Variants in UGT2B28 observed in about 807,000 individuals in gnomAD.
The protein encoded by UGT2B28 is UDP glucuronosyltransferase family 2 member B28.
UGT2B28 carries 45 observed loss-of-function variants against 43.6 expected under a neutral mutation model. The ratio of observed to expected loss-of-function variants is 1.03; its 90% CI spans 0.81 to 1.32. The LOEUF (loss-of-function observed/expected upper bound fraction) is 1.32. Among genes scored for constraint, UGT2B28 ranks in the 40% most tolerant of loss-of-function variants. The probability of loss-of-function intolerance (pLI) is 0.00; values close to 1 mark genes in which losing one functional copy is unlikely to be tolerated. For missense variants in UGT2B28, 649 were observed against 625.5 expected (o/e 1.04, Z -0.40); for synonymous variants, 204 against 208.1 (o/e 0.98, Z 0.17).
chr4:69,284,050 C>T (rs1183909493), intron 2 of UGT2B28, among the ~76,000 whole-genome samples: 4 of 140,406 alleles, frequency 2.8e-5, no homozygotes, highest in African/African-American at 5.6e-5. Flanking sequence ...ATTGAGATCC[C>T]AGAATTTTAC....
Position 69,290,883 on chromosome 4 carries a change from T to A in UGT2B28, c.1310+72T>A, listed in dbSNP as rs544604774. The A allele has an allele frequency of 4.4e-5, 64 of 1,443,290 alleles. 16 individuals carry two copies. In the South Asian group the frequency reaches 7.6e-4, roughly 17 times the overall value. The allele number at this position is 1,443,290 out of a possible 1,614,324, so 89.4% of individuals were successfully genotyped here. On this transcript the variant is annotated intron_variant, in intron 5 of 5. Transcript: ENST00000335568. ...CTCTTTTCAATAGTGAGCATGAGTT[T>A]CATCCTTTTTATAAGAGAGTAATCT...
At chr4:69,289,412 T>A (rs1723878950) in intron 3 of UGT2B28, among the ~76,000 whole-genome samples, 1 of 140,626 alleles carries the variant, frequency 7.1e-6, no homozygotes, top group African/African-American at 2.8e-5. Context: ...GTGTAACAAT[T>A]TTTTGAATAT....
chr4:69,294,430 A>G (rs1560568805), intron 5 of UGT2B28, 100 bp from the exon 6 acceptor site: 2 of 1,180,962 alleles, frequency 1.7e-6, no homozygotes, highest in Non-Finnish European at 2.2e-6. Context: ...TTTCAAATTT[A>G]CTTTGAATTA....
chr4:69,292,715 T>A (rs775585594), intron 5 of UGT2B28, among the ~76,000 whole-genome samples: 2 of 140,052 alleles, frequency 1.4e-5, no homozygotes, highest in African/African-American at 2.8e-5. Context: ...AAATAGTTAA[T>A]CTTTACTTGA....
At chr4:69,284,020 A>G (rs1406280802) in intron 2 of UGT2B28, among the ~76,000 whole-genome samples, 1 of 140,900 alleles carries the variant, frequency 7.1e-6, no homozygotes, top group African/African-American at 2.8e-5. Context: ...ACTTTAATAA[A>G]GTATTTAAAT....
At chr4:69,289,835 G>A (rs1723896911) in intron 4 of UGT2B28, 83 bp downstream of exon 4, 1 of 1,317,592 alleles carries the variant, frequency 7.6e-7, no homozygotes, top group Non-Finnish European at 1.0e-6. Context: ...CATGCTTATT[G>A]AATATTTATT....
chr4:69,294,964 T>G lies in UGT2B28; in HGVS notation c.*155T>G. The G allele has an allele frequency of 6.5e-6, 7 of 1,079,470 alleles. No individual in the cohort carries two copies. The highest frequency in any genetic ancestry group is 8.5e-6 in the Non-Finnish European group (7 of 825,680). The allele number at this position is 1,079,470 out of a possible 1,614,324, so 66.9% of individuals were successfully genotyped here. A position where few individuals can be genotyped will look rare whatever the true frequency, so the allele number is the denominator to read the frequency against. On this transcript the variant is annotated 3_prime_UTR_variant, in exon 6 of 6. Transcript: ENST00000335568. ...ACCTTGTCAAGTAAAAATTTGTTTTTCAGAGATTTACCACCCAGGTAATGG... is the reference window on the plus strand; with the variant it reads ...ACCTTGTCAAGTAAAAATTTGTTTTGCAGAGATTTACCACCCAGGTAATGG...
At chr4:69,284,342 A>G (rs1251430816) in intron 2 of UGT2B28, among the ~76,000 whole-genome samples, 1 of 140,984 alleles carries the variant, frequency 7.1e-6, no homozygotes. Flanking sequence ...TTAATATCAC[A>G]TTTTAAGACA....
chr4:69,294,481 G>A, intron 5 of UGT2B28, 49 bp from the exon 6 acceptor site: 3 of 1,468,762 alleles, frequency 2.0e-6, no homozygotes, highest in Non-Finnish European at 1.8e-6. Context: ...GATACATACA[G>A]GCCAGTTAAC....
chr4:69,282,163 CAA>C (rs1472642564), intron 1 of UGT2B28, among the ~76,000 whole-genome samples: 1 of 138,546 alleles, frequency 7.2e-6, no homozygotes, highest in Non-Finnish European at 1.5e-5. Flanking sequence ...TTATGGAGCT[CAA>C]AGAGTTGTTT....
At chr4:69,287,299 T>C (rs1215472118) in intron 3 of UGT2B28, among the ~76,000 whole-genome samples, 1 of 140,978 alleles carries the variant, frequency 7.1e-6, no homozygotes, top group African/African-American at 2.8e-5. Flanking sequence ...ACTAAAAATA[T>C]ATATCCAGAA....
In UGT2B28 at chr4:69,285,380, G is replaced by A. The variant is rs751600653; in HGVS notation, c.871-1372G>A. 1.2e-4 allele frequency among the ~76,000 whole-genome samples: 17 copies of A among 139,366 alleles called. 2 individuals carry two copies. Among genetic ancestry groups the A allele is most frequent in the East Asian group, 2.0e-4 (1 of 4,888 alleles). 91.4% of individuals were successfully genotyped at this position (139,366 alleles called of 152,430 possible). ...ATTATCACTAAAGGAGCAACAACCC[G>A]TCAATATCAGTGATGAATCTCTAAA... On this transcript the variant is annotated intron_variant, in intron 2 of 5. Coordinates refer to ENST00000335568, the MANE Select transcript of UGT2B28 (RefSeq NM_053039.2).
rs1723957141 is a variant in UGT2B28, at chr4:69,291,594, G to T, written c.1310+783G>T. On this transcript the variant is annotated intron_variant, in intron 5 of 5. Coordinates refer to ENST00000335568, the MANE Select transcript of UGT2B28 (RefSeq NM_053039.2). ...AATACTTCATTTCCTTTACACTTGT[G>T]TAATATTTTATAGTATGGATATGTC... Among the ~76,000 whole-genome samples the T allele has an allele frequency of 1.4e-5, 2 of 140,678 alleles. 1 individual carries two copies. The highest frequency in any genetic ancestry group is 5.5e-5 in the African/African-American group (2 of 36,144). The allele number at this position is 140,678 out of a possible 152,430, so 92.3% of individuals were successfully genotyped here. A position where few individuals can be genotyped will look rare whatever the true frequency, so the allele number is the denominator to read the frequency against.
Position 69,291,466 on chromosome 4 carries a change from C to T in UGT2B28, c.1310+655C>T, listed in dbSNP as rs377754171. Among the ~76,000 whole-genome samples, 30 of 140,940 alleles carry T rather than the reference C, an allele frequency of 2.1e-4. 4 individuals are homozygous for T. Among genetic ancestry groups the T allele is most frequent in the African/African-American group, 5.2e-4 (19 of 36,220 alleles). 92.5% of individuals were successfully genotyped at this position (140,940 alleles called of 152,430 possible). A position where few individuals can be genotyped will look rare whatever the true frequency, so the allele number is the denominator to read the frequency against. On this transcript the variant is annotated intron_variant, in intron 5 of 5. Coordinates refer to ENST00000335568, the MANE Select transcript of UGT2B28 (RefSeq NM_053039.2). ...ATTCTCTCTAGATATTTCATATAAA[C>T]GGAATCGTACAGTCTCAGGTGCTGT...
chr4:69,286,630 T>A, intron 2 of UGT2B28, 122 bp from the exon 3 acceptor site: 1 of 1,336,834 alleles, frequency 7.5e-7, no homozygotes, highest in Non-Finnish European at 9.9e-7. Context: ...AGTTAAAAAA[T>A]ATTATTTACT....
In UGT2B28 at chr4:69,289,596, T is replaced by C. The variant is rs1723885182; in HGVS notation, c.1003-69T>C. ...TCCCTTGATCTCATTCCTACCCTTT[T>C]TACAGTTCTAACATTCTATAATTTT... On this transcript the variant is annotated intron_variant, in intron 3 of 5. Coordinates refer to ENST00000335568, the MANE Select transcript of UGT2B28 (RefSeq NM_053039.2). The C allele has an allele frequency of 8.1e-6, 11 of 1,363,632 alleles. 1 individual carries two copies. The highest frequency in any genetic ancestry group is 2.4e-5 in the East Asian group (1 of 41,054). 84.5% of individuals were successfully genotyped at this position (1,363,632 alleles called of 1,614,324 possible). A position where few individuals can be genotyped will look rare whatever the true frequency, so the allele number is the denominator to read the frequency against.
At chr4:69,294,067 G>C (rs539174116) in intron 5 of UGT2B28, among the ~76,000 whole-genome samples, 1 of 139,894 alleles carries the variant, frequency 7.1e-6, no homozygotes, top group East Asian at 2.0e-4. Context: ...TGTTGAGCAG[G>C]TACTCATATG....
In UGT2B28 at chr4:69,294,839, A is replaced by T. The variant is rs45586838; in HGVS notation, c.*30A>T. ...GTCTGACATTTGAAGCTGGAAAACC[A>T]GATAGATGGGTTGACATCAGTTTAT... On this transcript the variant is annotated 3_prime_UTR_variant, in exon 6 of 6. Coordinates refer to ENST00000335568, the MANE Select transcript of UGT2B28 (RefSeq NM_053039.2). 1.6e-4 allele frequency: 247 copies of T among 1,525,568 alleles called. 21 individuals are homozygous for T. Among genetic ancestry groups the T allele is most frequent in the Middle Eastern group, 3.5e-4 (2 of 5,692 alleles). 94.5% of individuals were successfully genotyped at this position (1,525,568 alleles called of 1,614,324 possible).
rs541496951 is a variant in UGT2B28, at chr4:69,282,886, A to G, written c.870+224A>G. 6.4e-5 allele frequency among the ~76,000 whole-genome samples: 9 copies of G among 140,168 alleles called. 1 individual carries two copies. The East Asian group carries it at 1.8e-3, about 29-fold the overall frequency. The allele number at this position is 140,168 out of a possible 152,430, so 92.0% of individuals were successfully genotyped here. On this transcript the variant is annotated intron_variant, in intron 2 of 5. Transcript: ENST00000335568. ...GAGGAATAGTAAGGAGACTTTGAAA[A>G]TAGGGTTGATTAAAGTCTTGATTAT...
Sources: gnomAD v4.1 joint callset for allele counts (sites outside exome capture counted in the v4.1 genomes callset) on GRCh38, gnomAD v4.1.1 for gene constraint, MANE v1.5 for transcripts, NCBI Gene and HGNC (gene_info 2026-07-23, HGNC 2026-07-21) for gene names.